Variants in SORCS3 observed in about 807,000 individuals in gnomAD.
SORCS3 encodes the protein sortilin related VPS10 domain containing receptor 3.
SORCS3 carries 57 observed loss-of-function variants against 146.3 expected under a neutral mutation model. The ratio of observed to expected loss-of-function variants is 0.39; its 90% CI spans 0.31 to 0.49. The LOEUF is 0.49. Among genes scored for constraint, SORCS3 ranks in the 20% least tolerant of loss-of-function variants. The probability of loss-of-function intolerance (pLI) is 0.92; values close to 1 mark genes in which losing one functional copy is unlikely to be tolerated. For synonymous variants in SORCS3, 653 were observed against 618.5 expected (o/e 1.06, Z -0.83); for missense variants, 1,341 against 1,575.5 (o/e 0.85, Z 2.52).
At chr10:104,951,569 T>A (rs2019429479) in intron 3 of SORCS3, among the ~76,000 whole-genome samples, 1 of 152,056 alleles carries the variant, frequency 6.6e-6, no homozygotes, top group South Asian at 2.1e-4. Context: ...GGTCTCAAAC[T>A]CCTGACCTCA....
chr10:105,121,310 A>C (rs534713562), intron 7 of SORCS3, among the ~76,000 whole-genome samples: 35 of 152,308 alleles, frequency 2.3e-4, no homozygotes, highest in African/African-American at 7.5e-4. Flanking sequence ...TTATTTAATA[A>C]AACTTTAATC....
intron 5 of SORCS3, among the ~76,000 whole-genome samples, chr10:105,062,539 C>T (rs566513883): frequency 3.9e-5 from 6 of 152,022 alleles, no homozygotes; most frequent in Admixed American, 6.6e-5. Context: ...GCAGGTGCCA[C>T]GATAGGGACC....
intron 1 of SORCS3, among the ~76,000 whole-genome samples, chr10:104,734,624 A>G (rs1227604758): frequency 2.6e-5 from 4 of 152,222 alleles, no homozygotes; most frequent in South Asian, 2.1e-4. Flanking sequence ...GGCTTTATCA[A>G]TCATCATAGT....
intron 4 of SORCS3, among the ~76,000 whole-genome samples, chr10:105,020,987 A>G (rs952004197): frequency 1.3e-5 from 2 of 152,180 alleles, no homozygotes; most frequent in African/African-American, 2.4e-5. Flanking sequence ...CATATACTGC[A>G]ATGTTCAGAG....
chr10:104,889,065 T>C (rs926898773), intron 2 of SORCS3, among the ~76,000 whole-genome samples: 1 of 152,130 alleles, frequency 6.6e-6, no homozygotes, highest in African/African-American at 2.4e-5. Flanking sequence ...GTGGTAGTTG[T>C]TTTTTTGGCT....
chr10:105,022,108 G>A (rs571391636), intron 4 of SORCS3, among the ~76,000 whole-genome samples: 3 of 152,214 alleles, frequency 2.0e-5, no homozygotes, highest in East Asian at 1.9e-4. Flanking sequence ...CCACATTATA[G>A]TACAGTGGCG....
chr10:105,023,784 G>A (rs1318027993), intron 4 of SORCS3, among the ~76,000 whole-genome samples: 1 of 152,010 alleles, frequency 6.6e-6, no homozygotes, highest in Non-Finnish European at 1.5e-5. Context: ...TGCAAAATCA[G>A]TCCAAGGCGT....
chr10:104,807,340 T>A (rs1425688060), intron 1 of SORCS3, among the ~76,000 whole-genome samples: 1 of 152,032 alleles, frequency 6.6e-6, no homozygotes, highest in African/African-American at 2.4e-5. Context: ...CATGGAGAGG[T>A]CTTGAGGAAT....
chr10:105,226,883 G>T (rs1215645741), intron 20 of SORCS3, among the ~76,000 whole-genome samples: 1 of 151,516 alleles, frequency 6.6e-6, no homozygotes, highest in Non-Finnish European at 1.5e-5. Context: ...GATCTTTTGT[G>T]TTTCTGTGGT....
At chr10:104,698,417 A>G (rs375108633) in intron 1 of SORCS3, among the ~76,000 whole-genome samples, 60 of 152,260 alleles carry the variant, frequency 3.9e-4, no homozygotes, top group African/African-American at 1.3e-3. Context: ...TGAGCACACA[A>G]TGAGTTTAAT....
intron 20 of SORCS3, among the ~76,000 whole-genome samples, chr10:105,235,247 C>A (rs539109218): frequency 6.6e-6 from 1 of 152,064 alleles, no homozygotes; most frequent in South Asian, 2.1e-4. Flanking sequence ...CTTCTGAGAG[C>A]AGACCTTGTT....
intron 1 of SORCS3, among the ~76,000 whole-genome samples, chr10:104,776,968 A>C (rs540770084): frequency 5.9e-4 from 61 of 103,066 alleles, no homozygotes; most frequent in Middle Eastern, 8.2e-3. Flanking sequence ...AAGGTACATA[A>C]GGGGGAGATA....
At chr10:104,739,676 C>G (rs887624257) in intron 1 of SORCS3, among the ~76,000 whole-genome samples, 3 of 152,214 alleles carry the variant, frequency 2.0e-5, no homozygotes, top group Admixed American at 1.3e-4. Context: ...GTCCTCTCCT[C>G]AGGCTTCTGG....
Position 105,158,877 on chromosome 10 carries a change from C to A in SORCS3, c.1630-15C>A, listed in dbSNP as rs2056235871. The A allele has an allele frequency of 6.3e-7, 1 of 1,595,254 alleles. No homozygotes were observed. The highest frequency in any genetic ancestry group is 1.3e-5 in the African/African-American group (1 of 74,490). On this transcript the variant is annotated splice_polypyrimidine_tract_variant and intron_variant, in intron 10 of 26. Transcript: ENST00000369701. ...GGAATTTCCTAGAATGAAACTATTT[C>A]TTTCTCCATTTTAGCCCTTCTGTTC...
chr10:105,104,409 G>T (rs1013186878), intron 6 of SORCS3, among the ~76,000 whole-genome samples: 3 of 151,976 alleles, frequency 2.0e-5, no homozygotes, highest in Non-Finnish European at 4.4e-5. Flanking sequence ...CCTTTCCTTG[G>T]ATAACCTTCT....
chr10:104,671,687 G>A (rs957009784), intron 1 of SORCS3, among the ~76,000 whole-genome samples: 1 of 151,900 alleles, frequency 6.6e-6, no homozygotes, highest in Non-Finnish European at 1.5e-5. Context: ...TATCATGAAA[G>A]GGTTGGTGGA....
intron 7 of SORCS3, among the ~76,000 whole-genome samples, chr10:105,105,775 A>G (rs1258785167): frequency 6.6e-6 from 1 of 152,202 alleles, no homozygotes; most frequent in Non-Finnish European, 1.5e-5. Context: ...GGTTTGAAGT[A>G]ACTTAGTCAA....
chr10:104,992,390 T>A (rs763924038), intron 4 of SORCS3, among the ~76,000 whole-genome samples: 18 of 152,216 alleles, frequency 1.2e-4, no homozygotes, highest in African/African-American at 4.1e-4. Flanking sequence ...GGCTATTTGT[T>A]GTATAAGCTA....
chr10:104,813,746 A>C (rs1403338313), intron 1 of SORCS3, among the ~76,000 whole-genome samples: 1 of 152,192 alleles, frequency 6.6e-6, no homozygotes, highest in Non-Finnish European at 1.5e-5. Flanking sequence ...AAAGAAAAAT[A>C]ATCTATCTCT....
Sources: gnomAD v4.1 joint callset for allele counts (sites outside exome capture counted in the v4.1 genomes callset) on GRCh38, gnomAD v4.1.1 for gene constraint, MANE v1.5 for transcripts, NCBI Gene and HGNC (gene_info 2026-07-23, HGNC 2026-07-21) for gene names.